The following ADCY2 variants were observed in gnomAD, a reference collection of about 807,000 sequenced individuals.
The protein encoded by ADCY2 is adenylate cyclase type 2.
ADCY2 carries 31 observed loss-of-function variants against 125.2 expected under a neutral mutation model. That is an observed-to-expected ratio of 0.25 (90% confidence interval 0.19 to 0.33). The LOEUF (loss-of-function observed/expected upper bound fraction) is 0.33, where lower values mean the gene tolerates loss of function less well. Ranked by LOEUF, ADCY2 falls within the 10% of genes least tolerant of loss-of-function variation. ADCY2 has a pLI of 1.00. For missense variants in ADCY2, 904 were observed against 1,418.2 expected (o/e 0.64, Z 5.82); for synonymous variants, 512 against 548.4 (o/e 0.93, Z 0.93).
chr5:7,798,171 T>G (rs1744483440), intron 20 of ADCY2: 1 of 40,860 alleles, frequency 2.4e-5, no homozygotes, highest in African/African-American at 8.2e-5. Context: ...TGAAGGCACC[T>G]CCACAGAGAA....
At chr5:7,716,011 T>G (rs1331301251) in intron 11 of ADCY2, among the ~76,000 whole-genome samples, 1 of 152,216 alleles carries the variant, frequency 6.6e-6, no homozygotes, top group Non-Finnish European at 1.5e-5. Context: ...GTGCTTTTAA[T>G]CTTTGCAGTG....
At chr5:7,506,899 T>C (rs1449024480) in intron 2 of ADCY2, among the ~76,000 whole-genome samples, 1 of 142,426 alleles carries the variant, frequency 7.0e-6, no homozygotes, top group Admixed American at 7.4e-5. Flanking sequence ...GCCATTCTCC[T>C]GCCTCAGCCT....
At chr5:7,495,066 T>C (rs2126494277) in intron 2 of ADCY2, among the ~76,000 whole-genome samples, 1 of 152,312 alleles carries the variant, frequency 6.6e-6, no homozygotes, top group Middle Eastern at 3.4e-3. Flanking sequence ...AAATTTTCCA[T>C]GTCTCAAAGA....
intron 14 of ADCY2, among the ~76,000 whole-genome samples, chr5:7,733,889 T>A (rs1213108534): frequency 6.6e-6 from 1 of 152,180 alleles, no homozygotes; most frequent in African/African-American, 2.4e-5. Context: ...CCTTCAAGTG[T>A]CCATAACATC....
intron 3 of ADCY2, among the ~76,000 whole-genome samples, chr5:7,553,697 A>G (rs1735412364): frequency 6.6e-6 from 1 of 152,140 alleles, no homozygotes; most frequent in African/African-American, 2.4e-5. Context: ...GGTGGCTATT[A>G]ACTGTGGGGT....
At chr5:7,684,491 G>A (rs1181995936) in intron 4 of ADCY2, among the ~76,000 whole-genome samples, 1 of 152,214 alleles carries the variant, frequency 6.6e-6, no homozygotes, top group Non-Finnish European at 1.5e-5. Context: ...CCAATTTACT[G>A]TCATCAGTGA....
At chr5:7,431,818 C>T (rs187450331) in intron 2 of ADCY2, among the ~76,000 whole-genome samples, 17 of 152,194 alleles carry the variant, frequency 1.1e-4, no homozygotes, top group African/African-American at 3.9e-4. Context: ...TACATGAAAA[C>T]ATATTCAGTA....
In ADCY2 at chr5:7,811,683, G is replaced by A. The variant is rs575421665; in HGVS notation, c.2884-5183G>A. On this transcript the variant is annotated intron_variant, in intron 22 of 24. Coordinates refer to ENST00000338316, the MANE Select transcript of ADCY2 (RefSeq NM_020546.3). ...TGAAGGTCATCACTAGTTCATAAGC[G>A]TGACCTCCTGCTCCACTGGCTCTTG... Among the ~76,000 whole-genome samples the A allele has an allele frequency of 1.7e-3, 256 of 152,154 alleles. 1 individual carries two copies. The highest frequency in any genetic ancestry group is 0.011 in the South Asian group (52 of 4,822).
chr5:7,485,969 A>G (rs1742909755), intron 2 of ADCY2, among the ~76,000 whole-genome samples: 1 of 152,226 alleles, frequency 6.6e-6, no homozygotes, highest in Non-Finnish European at 1.5e-5. Context: ...TTTAATAAAT[A>G]TCTATTTTTA....
At chr5:7,465,093 A>T (rs1436982677) in intron 2 of ADCY2, among the ~76,000 whole-genome samples, 2 of 152,126 alleles carry the variant, frequency 1.3e-5, no homozygotes, top group Admixed American at 1.3e-4. Context: ...GTATGGGGGA[A>T]CCACCCCCAT....
At chr5:7,724,242 CTTATCTCCCTTGTTA>C (rs1741864649) in intron 12 of ADCY2, among the ~76,000 whole-genome samples, 1 of 151,296 alleles carries the variant, frequency 6.6e-6, no homozygotes, top group Non-Finnish European at 1.5e-5. Context: ...CTTTAGACGA[CTTATCTCCCTTGTTA>C]TTTAATTCAG....
intron 3 of ADCY2, among the ~76,000 whole-genome samples, chr5:7,535,118 G>A (rs1378349726): frequency 1.3e-5 from 2 of 152,148 alleles, no homozygotes; most frequent in East Asian, 1.9e-4. Flanking sequence ...ACGGCTCACC[G>A]CAACCTCCGC....
chr5:7,553,844 T>C (rs984477273), intron 3 of ADCY2, among the ~76,000 whole-genome samples: 3 of 152,170 alleles, frequency 2.0e-5, no homozygotes, highest in East Asian at 1.9e-4. Context: ...TTACCCAGGG[T>C]GTTCCCAGTG....
intron 2 of ADCY2, among the ~76,000 whole-genome samples, chr5:7,427,483 G>C (rs925898192): frequency 6.6e-6 from 1 of 152,142 alleles, no homozygotes; most frequent in Non-Finnish European, 1.5e-5. Context: ...CAGATCTCGT[G>C]AGAACTCACT....
intron 2 of ADCY2, among the ~76,000 whole-genome samples, chr5:7,486,411 A>G (rs11134233): frequency 0.64 from 97,727 of 152,050 alleles, 31,856 homozygotes; most frequent in African/African-American, 0.75. Flanking sequence ...TTCTGTGCGA[A>G]TTTCTCCAAG....
At chr5:7,806,177 G>A (rs1744755054) in intron 22 of ADCY2, among the ~76,000 whole-genome samples, 1 of 146,982 alleles carries the variant, frequency 6.8e-6, no homozygotes, top group South Asian at 2.1e-4. Context: ...ATATTAAAAT[G>A]TACAACATTC....
chr5:7,528,445 T>C (rs4702473), intron 3 of ADCY2, among the ~76,000 whole-genome samples: 86,261 of 152,106 alleles, frequency 0.57, 26,096 homozygotes, highest in Non-Finnish European at 0.68. Context: ...CTAGGTTCAT[T>C]TTCAGCATTT....
chr5:7,809,003 T>G (rs571682306), intron 22 of ADCY2, among the ~76,000 whole-genome samples: 1 of 152,236 alleles, frequency 6.6e-6, no homozygotes, highest in Admixed American at 6.5e-5. Context: ...TGCACTTCTG[T>G]TACCTTACGC....
chr5:7,690,953 T>G, intron 5 of ADCY2, 114 bp downstream of exon 5: 1 of 1,232,418 alleles, frequency 8.1e-7, no homozygotes, highest in South Asian at 2.1e-5. Flanking sequence ...GTGGATCCTT[T>G]GCAGGGGAAA....
Sources: gnomAD v4.1 joint callset for allele counts (sites outside exome capture counted in the v4.1 genomes callset) on GRCh38, gnomAD v4.1.1 for gene constraint, MANE v1.5 for transcripts, NCBI Gene and HGNC (gene_info 2026-07-23, HGNC 2026-07-21) for gene names.